The following FOXP2 variants were observed in gnomAD, a reference collection of about 807,000 sequenced individuals.
FOXP2 encodes the protein forkhead box protein P2.
A neutral mutation model predicts 115.8 loss-of-function variants in FOXP2; 12 were observed. The ratio of observed to expected loss-of-function variants is 0.10; its 90% confidence interval spans 0.07 to 0.17. FOXP2 has a LOEUF of 0.17. Ranked by LOEUF, FOXP2 falls within the 10% of genes least tolerant of loss-of-function variation. FOXP2 has a pLI of 1.00. For synonymous variants in FOXP2, 328 were observed against 297.7 expected (o/e 1.10, Z -1.05); for missense variants, 629 against 843.5 (o/e 0.75, Z 3.15).
intron 2 of FOXP2, among the ~76,000 whole-genome samples, chr7:114,514,086 T>TAC (rs141664873): frequency 0.02 from 2,934 of 148,512 alleles, 50 homozygotes; most frequent in African/African-American, 0.038. Flanking sequence ...TTGTATCTTA[T>TAC]ACACACACAC....
chr7:114,449,110 T>C (rs1191665145), intron 2 of FOXP2, among the ~76,000 whole-genome samples: 1 of 152,126 alleles, frequency 6.6e-6, no homozygotes, highest in Non-Finnish European at 1.5e-5. Flanking sequence ...AAATGAGTTA[T>C]AATGTAGAAC....
At chr7:114,316,100 G>A (rs1203531512) in intron 2 of FOXP2, among the ~76,000 whole-genome samples, 1 of 152,110 alleles carries the variant, frequency 6.6e-6, no homozygotes. Flanking sequence ...GGAACAGGAA[G>A]GGACAGTGTC....
Position 114,659,349 on chromosome 7 carries a change from T to C in FOXP2, c.1469-7T>C, listed in dbSNP as rs1563065258. On this transcript the variant is annotated splice_region_variant and splice_polypyrimidine_tract_variant and intron_variant, in intron 11 of 16. Transcript: ENST00000350908. ...GCAGAATTAACACCTAGTTTTTATTTTTATAGAAATTGCCCCAAACTATGA... is the reference window on the plus strand; with the variant it reads ...GCAGAATTAACACCTAGTTTTTATTCTTATAGAAATTGCCCCAAACTATGA... 6.3e-7 allele frequency: 1 copy of C among 1,592,206 alleles called. No individual in the cohort carries two copies.
At chr7:114,671,075 G>A (rs1468618291) in intron 16 of FOXP2, among the ~76,000 whole-genome samples, 1 of 151,354 alleles carries the variant, frequency 6.6e-6, no homozygotes, top group Non-Finnish European at 1.5e-5. Flanking sequence ...TTTTTCTTCT[G>A]ATTTAATTCC....
At chr7:114,232,187 T>C (rs1183076189) in intron 1 of FOXP2, among the ~76,000 whole-genome samples, 1 of 152,026 alleles carries the variant, frequency 6.6e-6, no homozygotes. Flanking sequence ...AGGATGGCCA[T>C]TATAAAAAAC....
intron 1 of FOXP2, among the ~76,000 whole-genome samples, chr7:114,105,266 AG>A (rs1562965732): frequency 6.6e-6 from 1 of 151,992 alleles, no homozygotes; most frequent in East Asian, 1.9e-4. Flanking sequence ...TTTAGTGGTT[AG>A]TTTAAAATTA....
chr7:114,523,441 A>G (rs536114619), intron 2 of FOXP2, among the ~76,000 whole-genome samples: 1 of 152,220 alleles, frequency 6.6e-6, no homozygotes, highest in African/African-American at 2.4e-5. Flanking sequence ...CCTCGGTGAC[A>G]TATGCAGAGG....
At chr7:114,563,882 C>CAG (rs1563001872) in intron 3 of FOXP2, among the ~76,000 whole-genome samples, 5 of 152,080 alleles carry the variant, frequency 3.3e-5, no homozygotes, top group Non-Finnish European at 5.9e-5. Context: ...CCTTTACTCT[C>CAG]TCACTCAGGT....
intron 2 of FOXP2, among the ~76,000 whole-genome samples, chr7:114,368,374 T>G (rs1292344740): frequency 6.6e-6 from 1 of 152,180 alleles, no homozygotes; most frequent in East Asian, 1.9e-4. Flanking sequence ...TACTTAAAAT[T>G]CATTATCTGA....
intron 3 of FOXP2, among the ~76,000 whole-genome samples, chr7:114,574,142 A>C (rs765584999): frequency 4.6e-5 from 7 of 151,744 alleles, no homozygotes; most frequent in Non-Finnish European, 1.0e-4. Flanking sequence ...ACTGGGCAGT[A>C]ATTGTATGCA....
At chr7:114,089,110 T>G (rs749452777) in intron 1 of FOXP2, among the ~76,000 whole-genome samples, 1 of 152,136 alleles carries the variant, frequency 6.6e-6, no homozygotes, top group Non-Finnish European at 1.5e-5. Flanking sequence ...TAGACTCATA[T>G]TCAGTCGTCA....
chr7:114,336,240 CG>C (rs1562876414), intron 2 of FOXP2, among the ~76,000 whole-genome samples: 1 of 150,452 alleles, frequency 6.6e-6, no homozygotes, highest in African/African-American at 2.4e-5. Context: ...GAACTTGTCT[CG>C]GGGGGAAAAC....
At chr7:114,278,077 A>G (rs977726434) in intron 1 of FOXP2, among the ~76,000 whole-genome samples, 2 of 151,294 alleles carry the variant, frequency 1.3e-5, no homozygotes, top group African/African-American at 4.8e-5. Flanking sequence ...GAATAAAGTA[A>G]GATACTAGAA....
At chr7:114,152,918 G>A (rs1054850900) in intron 1 of FOXP2, among the ~76,000 whole-genome samples, 11 of 152,136 alleles carry the variant, frequency 7.2e-5, no homozygotes, top group Non-Finnish European at 1.5e-4. Flanking sequence ...TCGACAACAT[G>A]TCTACTTTGG....
intron 6 of FOXP2, among the ~76,000 whole-genome samples, chr7:114,633,760 C>G (rs920624989): frequency 2.6e-5 from 4 of 152,118 alleles, no homozygotes; most frequent in Non-Finnish European, 4.4e-5. Flanking sequence ...GCTGGAATCC[C>G]AAAACTAGAG....
intron 1 of FOXP2, among the ~76,000 whole-genome samples, chr7:114,250,978 G>A (rs2129169400): frequency 6.6e-6 from 1 of 152,220 alleles, no homozygotes; most frequent in Admixed American, 6.5e-5. Context: ...TTTTGTATAA[G>A]GAAAAAGAAG....
chr7:114,537,428 A>G (rs372149667), intron 3 of FOXP2, among the ~76,000 whole-genome samples: 1 of 151,566 alleles, frequency 6.6e-6, no homozygotes, highest in Admixed American at 6.6e-5. Context: ...ACTATTTTAT[A>G]AAGTTTGAAA....
At chr7:114,131,248 T>G (rs181362098) in intron 1 of FOXP2, among the ~76,000 whole-genome samples, 51 of 152,302 alleles carry the variant, frequency 3.3e-4, no homozygotes, top group Admixed American at 5.2e-4. Flanking sequence ...ACTCTAATTA[T>G]CTCCATCAGT....
At chr7:114,483,872 A>T (rs927431594) in intron 2 of FOXP2, among the ~76,000 whole-genome samples, 2 of 151,774 alleles carry the variant, frequency 1.3e-5, no homozygotes, top group African/African-American at 4.8e-5. Flanking sequence ...TTAAAGAATA[A>T]TAAAGCAGTC....
Sources: allele counts gnomAD v4.1 joint callset (sites outside exome capture counted in the v4.1 genomes callset), GRCh38; gene constraint gnomAD v4.1.1; transcripts MANE v1.5; gene names NCBI Gene and HGNC (gene_info 2026-07-23, HGNC 2026-07-21).